The following BTAF1 variants were observed in gnomAD, a reference collection of about 807,000 sequenced individuals.
BTAF1 encodes the protein B-TFIID TATA-box binding protein associated factor 1.
Under a neutral mutation model 227.1 loss-of-function variants are expected in BTAF1, and 38 were observed. The ratio of observed to expected loss-of-function variants is 0.17; its 90% CI spans 0.13 to 0.22. BTAF1 has a LOEUF of 0.22. Ranked by LOEUF, BTAF1 falls within the 10% of genes least tolerant of loss-of-function variation. BTAF1 has a pLI of 1.00. For synonymous variants in BTAF1, 742 were observed against 751.9 expected (o/e 0.99, Z 0.21); for missense variants, 1,598 against 2,204.0 (o/e 0.73, Z 5.51).
At chr10:91,959,648 G>A in intron 9 of BTAF1, 137 bp from the exon 10 acceptor site, 1 of 332,698 alleles carries the variant, frequency 3.0e-6, no homozygotes, top group Non-Finnish European at 4.8e-6. Flanking sequence ...TTTGATTTTG[G>A]ACCTAAGGTG....
At chr10:91,999,905 A>G (rs1849399549) in intron 25 of BTAF1, among the ~76,000 whole-genome samples, 1 of 152,192 alleles carries the variant, frequency 6.6e-6, no homozygotes, top group Admixed American at 6.6e-5. Context: ...AGAAAAATAA[A>G]GAAATTACCA....
intron 14 of BTAF1, among the ~76,000 whole-genome samples, chr10:91,979,544 A>G (rs1847932940): frequency 6.6e-6 from 1 of 152,148 alleles, no homozygotes; most frequent in African/African-American, 2.4e-5. Context: ...CTGCAATTTC[A>G]GTTAAAATTT....
At chr10:91,982,326 TC>T (rs1848123345) in intron 17 of BTAF1, 101 bp downstream of exon 17, 1 of 1,500,678 alleles carries the variant, frequency 6.7e-7, no homozygotes, top group African/African-American at 1.4e-5. Context: ...CATCAGTCCT[TC>T]CTTCCTTCAT....
At chr10:91,989,108 G>A in intron 19 of BTAF1, 46 bp from the exon 20 acceptor site, 1 of 1,484,738 alleles carries the variant, frequency 6.7e-7, no homozygotes, top group Non-Finnish European at 9.0e-7. Flanking sequence ...CAGTCTATTT[G>A]GGGTTGATAT....
intron 25 of BTAF1, among the ~76,000 whole-genome samples, chr10:92,004,071 T>C (rs1426842044): frequency 6.6e-6 from 1 of 152,158 alleles, no homozygotes; most frequent in Non-Finnish European, 1.5e-5. Context: ...CCTCTGCCCA[T>C]TTTTACATCT....
chr10:91,974,556 T>C (rs769711282), intron 14 of BTAF1, among the ~76,000 whole-genome samples: 1 of 152,180 alleles, frequency 6.6e-6, no homozygotes, highest in Non-Finnish European at 1.5e-5. Context: ...GTAGGTACTC[T>C]TAAGAAAAAC....
At position 91,951,399 on chromosome 10, in the gene BTAF1, A is replaced by G. The variant is rs188309722; in HGVS notation, c.401-4A>G. 1.2e-5 allele frequency: 20 copies of G among 1,604,934 alleles called. No individual in the cohort carries two copies. In the Admixed American group the frequency reaches 3.0e-4, roughly 24 times the overall value. ...GAGAAAACGTATTTCTTTTCTGTTG[A>G]AAGGTGAAGTGGATCCTAAAGAGAG... On this transcript the variant is annotated splice_polypyrimidine_tract_variant and splice_region_variant and intron_variant, in intron 4 of 37. Coordinates refer to ENST00000265990, the MANE Select transcript of BTAF1 (RefSeq NM_003972.3).
Position 92,016,370 on chromosome 10 carries a change from C to T in BTAF1, c.4615C>T (p.Arg1539Cys). ...GCTCTATGAAGATTTTGCTAAGTCTCGTGCCAAGTGTGATGTTGATGAAAC... is the reference window on the plus strand; with the variant it reads ...GCTCTATGAAGATTTTGCTAAGTCTTGTGCCAAGTGTGATGTTGATGAAAC... ...VQLYEDFAKSRAKCDVDETVS... is the reference protein window; with the variant it reads ...VQLYEDFAKSCAKCDVDETVS... The change falls in exon 33 of 38, where the codon CGT becomes TGT. Residue 1539 changes from arginine to cysteine, a missense_variant. By Grantham distance (180) the Arg-to-Cys change is radical. Around this residue, in one of 10 missense-constraint regions of BTAF1, gnomAD observed 205 missense variants for 244.5 expected, o/e 0.84. Coordinates refer to ENST00000265990, the MANE Select transcript of BTAF1 (RefSeq NM_003972.3). 1.3e-6 allele frequency: 2 copies of T among 1,599,218 alleles called. No homozygotes were observed. The highest frequency in any genetic ancestry group is 8.5e-7 in the Non-Finnish European group (1 of 1,173,992).
intron 34 of BTAF1, among the ~76,000 whole-genome samples, chr10:92,023,860 T>G (rs58106486): frequency 6.6e-6 from 1 of 152,264 alleles, no homozygotes; most frequent in Admixed American, 6.5e-5. Context: ...TCTCGAACTC[T>G]TGACCTCAAG....
chr10:91,960,201 C>T, intron 11 of BTAF1, 47 bp downstream of exon 11: 2 of 1,559,008 alleles, frequency 1.3e-6, no homozygotes, highest in Non-Finnish European at 8.7e-7. Context: ...TTTTTTCCCC[C>T]TTATAGTTTA....
At chr10:91,992,877 T>G (rs182312055) in intron 21 of BTAF1, among the ~76,000 whole-genome samples, 1 of 152,308 alleles carries the variant, frequency 6.6e-6, no homozygotes, top group African/African-American at 2.4e-5. Context: ...CAGTGGTTTT[T>G]AAAAAGTGTT....
chr10:91,946,112 A>G (rs1459806270), intron 4 of BTAF1, among the ~76,000 whole-genome samples: 1 of 152,188 alleles, frequency 6.6e-6, no homozygotes, highest in East Asian at 1.9e-4. Context: ...TTTGAAAAAT[A>G]CTGCTGGGAG....
chr10:91,951,551 T>C lies in BTAF1; in HGVS notation c.549T>C (p.Phe183=). The change falls in exon 5 of 38, where the codon TTT becomes TTC. Residue 183 remains phenylalanine, a synonymous_variant. Coordinates refer to ENST00000265990, the MANE Select transcript of BTAF1 (RefSeq NM_003972.3). ...DLDYTPTSAS[F]VNKQPTLQAA... The stretch of plus-strand genomic sequence containing the variant: ...ATTATACCCCAACTTCAGCATCCTT[T>C]GTTAACAAACAACCTGTAGGTAAAA... 1.2e-6 allele frequency: 2 copies of C among 1,600,638 alleles called. No homozygotes were observed. The highest frequency in any genetic ancestry group is 1.3e-5 in the African/African-American group (1 of 74,292).
At chr10:92,028,349 CAG>C (rs1851668022) in intron 37 of BTAF1, among the ~76,000 whole-genome samples, 1 of 152,110 alleles carries the variant, frequency 6.6e-6, no homozygotes, top group Non-Finnish European at 1.5e-5. Flanking sequence ...ATTTTAATAT[CAG>C]TGTTAGATTT....
intron 5 of BTAF1, among the ~76,000 whole-genome samples, chr10:91,952,437 C>G (rs1342109791): frequency 6.6e-6 from 1 of 152,098 alleles, no homozygotes. Flanking sequence ...CGGAAAAATG[C>G]ACATGTGAGA....
intron 23 of BTAF1, 150 bp from the exon 24 acceptor site, chr10:91,996,219 G>C (rs1042988989): frequency 7.6e-6 from 5 of 659,008 alleles, no homozygotes; most frequent in Non-Finnish European, 1.0e-5. Context: ...TTTCTATTGA[G>C]AATGTTTTGG....
intron 7 of BTAF1, among the ~76,000 whole-genome samples, chr10:91,957,014 C>G (rs1285663547): frequency 6.6e-6 from 1 of 151,922 alleles, no homozygotes; most frequent in East Asian, 1.9e-4. Context: ...GCTTATAAAT[C>G]TTTTTCAAAC....
In BTAF1 at chr10:92,030,947, T is replaced by A. The variant is rs1851856876; in HGVS notation, c.*2014T>A. ...ACATCTTAAGAATAATGAAGAGATG[T>A]GGAGAATTGAACTGAGTAATGAATG... On this transcript the variant is annotated 3_prime_UTR_variant, in exon 38 of 38. Coordinates refer to ENST00000265990, the MANE Select transcript of BTAF1 (RefSeq NM_003972.3). 6.6e-6 allele frequency among the ~76,000 whole-genome samples: 1 copy of A among 152,220 alleles called. No individual in the cohort carries two copies. Among genetic ancestry groups the A allele is most frequent in the Non-Finnish European group, 1.5e-5 (1 of 68,032 alleles).
intron 8 of BTAF1, 75 bp downstream of exon 8, chr10:91,957,368 T>C: frequency 8.0e-7 from 1 of 1,249,736 alleles, no homozygotes; most frequent in Non-Finnish European, 1.1e-6. Context: ...AAGAGCAATA[T>C]ACTTTGTCAG....
Sources: gnomAD v4.1 joint callset for allele counts (sites outside exome capture counted in the v4.1 genomes callset) on GRCh38, gnomAD v4.1.1 for gene constraint, gnomAD v4.1.1 regional missense constraint, MANE v1.5 for transcripts, NCBI Gene and HGNC (gene_info 2026-07-23, HGNC 2026-07-21) for gene names.